MYO18B: variants seen among roughly 807,000 people sequenced by gnomAD.
The protein encoded by MYO18B is myosin XVIIIB.
A neutral mutation model predicts 273.0 loss-of-function variants in MYO18B; 204 were observed. The observed-to-expected ratio is 0.75, with a 90% CI of 0.67 to 0.84. The LOEUF is 0.84. Ranked by LOEUF, MYO18B falls within the 40% of genes least tolerant of loss-of-function variation. The pLI is 0.00. For missense variants in MYO18B, 3,212 were observed against 3,287.6 expected (o/e 0.98, Z 0.56); for synonymous variants, 1,330 against 1,305.7 (o/e 1.02, Z -0.40).
In MYO18B at chr22:25,780,045, G is replaced by T; in HGVS notation, c.2069-11G>T. 1 of 1,578,430 alleles carries T rather than the reference G, an allele frequency of 6.3e-7. No individual in the cohort carries two copies. Among genetic ancestry groups the T allele is most frequent in the Non-Finnish European group, 8.6e-7 (1 of 1,164,568 alleles). ...CATCAGTGACATGTGGCCCCATGCT[G>T]CCCCCAACAGTGGAGAAGATCCGAG... On this transcript the variant is annotated splice_polypyrimidine_tract_variant and intron_variant, in intron 8 of 43. Transcript: ENST00000335473.
intron 19 of MYO18B, among the ~76,000 whole-genome samples, chr22:25,847,088 AAAAT>A (rs1222037980): frequency 2.6e-5 from 4 of 151,502 alleles, no homozygotes; most frequent in Admixed American, 6.6e-5. Flanking sequence ...CAAAAAAAAA[AAAAT>A]AAAGAAAGAA....
At chr22:25,888,285 T>C (rs1038715437) in intron 25 of MYO18B, among the ~76,000 whole-genome samples, 9 of 152,066 alleles carry the variant, frequency 5.9e-5, no homozygotes, top group Non-Finnish European at 1.2e-4. Context: ...TTTTTAAGAG[T>C]CAGGGTCTCA....
intron 39 of MYO18B, among the ~76,000 whole-genome samples, chr22:25,965,363 C>G (rs1212261819): frequency 6.6e-6 from 1 of 152,092 alleles, no homozygotes; most frequent in South Asian, 2.1e-4. Flanking sequence ...AGGAAAAAGC[C>G]CATTGATGAT....
intron 20 of MYO18B, among the ~76,000 whole-genome samples, chr22:25,849,712 G>A (rs2090366650): frequency 6.6e-6 from 1 of 152,138 alleles, no homozygotes; most frequent in South Asian, 2.1e-4. Flanking sequence ...CTCACCAGCC[G>A]TGTGACCCCA....
At chr22:25,815,722 C>G (rs1432726557) in intron 12 of MYO18B, among the ~76,000 whole-genome samples, 2 of 152,158 alleles carry the variant, frequency 1.3e-5, no homozygotes, top group Non-Finnish European at 2.9e-5. Flanking sequence ...GGCTCCCTTC[C>G]TCTTGTAAAT....
chr22:25,770,823 C>A lies in MYO18B; in HGVS notation c.1580-49C>A, dbSNP rs773356067. The A allele has an allele frequency of 2.2e-6, 3 of 1,370,920 alleles. No individual in the cohort carries two copies. In the African/African-American group the frequency reaches 4.3e-5, roughly 20 times the overall value. 84.9% of individuals were successfully genotyped at this position (1,370,920 alleles called of 1,614,324 possible). A position where few individuals can be genotyped will look rare whatever the true frequency, so the allele number is the denominator to read the frequency against. ...TGCCCTCGCCTCTTTCCCCTCTTCC[C>A]CTCCCATCTCCTCCCCGTTCCCCTT... On this transcript the variant is annotated intron_variant, in intron 5 of 43. Transcript: ENST00000335473.
chr22:26,051,089 G>C, the MYO18B span, among the ~76,000 whole-genome samples: 1 of 152,034 alleles, frequency 6.6e-6, no homozygotes, highest in Non-Finnish European at 1.5e-5. Context: ...TACATGACAA[G>C]TAAGACTTCA....
chr22:25,945,431 G>C (rs752357990), intron 34 of MYO18B, among the ~76,000 whole-genome samples: 2 of 151,982 alleles, frequency 1.3e-5, no homozygotes, highest in Non-Finnish European at 2.9e-5. Context: ...GCCTGGCACT[G>C]AATGGGCTTC....
intron 42 of MYO18B, chr22:26,006,457 G>T: frequency 9.5e-6 from 3 of 315,506 alleles, no homozygotes; most frequent in East Asian, 7.7e-5. Context: ...TCTTTAATCA[G>T]TGTTCTGGCT....
the MYO18B span, among the ~76,000 whole-genome samples, chr22:26,049,103 T>C: frequency 2.6e-5 from 4 of 151,942 alleles, no homozygotes; most frequent in South Asian, 8.3e-4. Flanking sequence ...AAAAAGAATG[T>C]AGGACGGGAA....
the MYO18B span, among the ~76,000 whole-genome samples, chr22:26,054,401 A>C: frequency 1.3e-5 from 2 of 152,164 alleles, no homozygotes; most frequent in African/African-American, 2.4e-5. Flanking sequence ...GCAGAGCCCC[A>C]TGCCAGAGAT....
chr22:25,971,369 A>G (rs1171509588), intron 39 of MYO18B, among the ~76,000 whole-genome samples: 1 of 152,188 alleles, frequency 6.6e-6, no homozygotes, highest in Non-Finnish European at 1.5e-5. Flanking sequence ...TCATCTGTAG[A>G]ATGGGTTATC....
At position 25,819,093 on chromosome 22, in the gene MYO18B, G is replaced by T. The variant is rs139634661; in HGVS notation, c.2522-4412G>T. ...TGGTCACTACCCATGTCCAAGCAAA[G>T]ATAGAAGAATCCATGGGATTGGATT... On this transcript the variant is annotated intron_variant, in intron 12 of 43. Transcript: ENST00000335473. Among the ~76,000 whole-genome samples the T allele has an allele frequency of 9.0e-3, 1,375 of 152,214 alleles. 12 individuals carry two copies. Among genetic ancestry groups the T allele is most frequent in the Non-Finnish European group, 0.014 (957 of 68,012 alleles).
At chr22:25,973,047 C>T (rs974051821) in intron 39 of MYO18B, among the ~76,000 whole-genome samples, 1 of 151,814 alleles carries the variant, frequency 6.6e-6, no homozygotes, top group Non-Finnish European at 1.5e-5. Context: ...TGGTTCCTGC[C>T]TCTGTATTAC....
chr22:25,887,688 C>T (rs905356941), intron 25 of MYO18B, among the ~76,000 whole-genome samples: 1 of 152,132 alleles, frequency 6.6e-6, no homozygotes, highest in Non-Finnish European at 1.5e-5. Flanking sequence ...CATCCAAAGC[C>T]CCTGTGCCCC....
At position 25,768,338 on chromosome 22, in the gene MYO18B, CTG is replaced by C. The variant is rs2086580997; in HGVS notation, c.424_425del (p.Val142ProfsTer10). ...TCCAGTGCGACACCAACCAAAAAGACTGTCCCCTTCAAGAGGGGCGTGAGGAG... is the reference window on the plus strand; with the variant it reads ...TCCAGTGCGACACCAACCAAAAAGACTCCCCTTCAAGAGGGGCGTGAGGAG... On this transcript the variant is annotated frameshift_variant, in exon 4 of 44. Transcript: ENST00000335473. LOFTEE classifies it high-confidence loss of function. 1 of 1,613,766 alleles carries C rather than the reference CTG, an allele frequency of 6.2e-7. No homozygotes were observed. Among genetic ancestry groups the C allele is most frequent in the African/African-American group, 1.3e-5 (1 of 75,054 alleles).
intron 24 of MYO18B, chr22:25,877,038 G>C (rs1204578245): frequency 6.6e-6 from 1 of 152,206 alleles, no homozygotes; most frequent in Admixed American, 6.5e-5. Flanking sequence ...GCACAGTGCT[G>C]AGCCACTGGC....
intron 41 of MYO18B, among the ~76,000 whole-genome samples, chr22:26,004,178 G>A (rs1934225862): frequency 6.6e-6 from 1 of 151,912 alleles, no homozygotes; most frequent in African/African-American, 2.4e-5. Flanking sequence ...TGTTGAATGA[G>A]TATATCAACT....
At chr22:25,771,459 A>G (rs1042714758) in intron 6 of MYO18B, among the ~76,000 whole-genome samples, 2 of 152,108 alleles carry the variant, frequency 1.3e-5, no homozygotes, top group Non-Finnish European at 2.9e-5. Flanking sequence ...TTGCTCTTTA[A>G]ATTGCTTTGA....
Sources: gnomAD v4.1 joint callset for allele counts (sites outside exome capture counted in the v4.1 genomes callset) on GRCh38, gnomAD v4.1.1 for gene constraint, MANE v1.5 for transcripts, NCBI Gene and HGNC (gene_info 2026-07-23, HGNC 2026-07-21) for gene names.